The following FREM3 variants were observed in gnomAD, a reference collection of about 807,000 sequenced individuals.
The protein encoded by FREM3 is FRAS1 related extracellular matrix 3, also known as FRAS1-related extracellular matrix protein 3.
A neutral mutation model predicts 129.1 loss-of-function variants in FREM3; 105 were observed. That is an observed-to-expected ratio of 0.81 (90% CI 0.69 to 0.96). The LOEUF (loss-of-function observed/expected upper bound fraction) is 0.96. FREM3 is among the 40% of genes least tolerant of loss of function. The pLI is 0.00. For synonymous variants in FREM3, 1,014 were observed against 1,044.9 expected (o/e 0.97, Z 0.57); for missense variants, 2,593 against 2,666.3 (o/e 0.97, Z 0.61).
chr4:143,627,589 C>T (rs1739063196), intron 3 of FREM3, 25 bp downstream of exon 3: 1 of 1,525,690 alleles, frequency 6.6e-7, no homozygotes, highest in Non-Finnish European at 8.8e-7. Context: ...GACCTTTTAC[C>T]AACAACCAAT....
intron 6 of FREM3, among the ~76,000 whole-genome samples, chr4:143,587,111 C>T (rs1475937487): frequency 6.6e-6 from 1 of 152,128 alleles, no homozygotes; most frequent in East Asian, 1.9e-4. Context: ...ACTGCAAGAC[C>T]TCTCCTGTCC....
intron 4 of FREM3, among the ~76,000 whole-genome samples, chr4:143,621,456 T>G (rs1738950409): frequency 6.6e-6 from 1 of 152,200 alleles, no homozygotes; most frequent in Non-Finnish European, 1.5e-5. Flanking sequence ...GAGATCAAAT[T>G]TTAAGTCTTC....
chr4:143,616,725 G>A (rs981685731), intron 5 of FREM3, among the ~76,000 whole-genome samples: 8 of 151,526 alleles, frequency 5.3e-5, no homozygotes, highest in Admixed American at 2.0e-4. Context: ...CCCGGGAGGC[G>A]GAGCTTGCAG....
At position 143,593,309 on chromosome 4, in the gene FREM3, C is replaced by A. The variant is rs372435752; in HGVS notation, c.6029-7316G>T. 2.0e-5 allele frequency among the ~76,000 whole-genome samples: 3 copies of A among 152,306 alleles called. No homozygotes were observed. The South Asian group carries it at 6.2e-4, about 32-fold the overall frequency. ...GCGTTCCTTTGGAGGAGGAGAGGTGCTCTGATTTTTAGAGTTTCTGGTTTT... is the reference window on the plus strand; with the variant it reads ...GCGTTCCTTTGGAGGAGGAGAGGTGATCTGATTTTTAGAGTTTCTGGTTTT... On this transcript the variant is annotated intron_variant, in intron 6 of 7. Transcript: ENST00000329798.
intron 2 of FREM3, among the ~76,000 whole-genome samples, chr4:143,661,048 C>G (rs1190526045): frequency 1.3e-5 from 2 of 152,170 alleles, no homozygotes; most frequent in Non-Finnish European, 2.9e-5. Context: ...AATTTGACTT[C>G]CTCTTTTCCT....
intron 2 of FREM3, among the ~76,000 whole-genome samples, chr4:143,666,644 T>C (rs1016865711): frequency 1.3e-5 from 2 of 152,156 alleles, no homozygotes; most frequent in African/African-American, 4.8e-5. Context: ...AAAAATATTG[T>C]ATGATTCCAC....
At chr4:143,677,459 A>G (rs1198487309) in intron 2 of FREM3, among the ~76,000 whole-genome samples, 2 of 152,220 alleles carry the variant, frequency 1.3e-5, no homozygotes, top group Non-Finnish European at 2.9e-5. Flanking sequence ...AACCTAGGCA[A>G]TACCATTCAG....
At chr4:143,626,546 C>T (rs1221647924) in intron 3 of FREM3, among the ~76,000 whole-genome samples, 2 of 152,030 alleles carry the variant, frequency 1.3e-5, no homozygotes, top group Admixed American at 6.6e-5. Flanking sequence ...ACAAGAAAGC[C>T]TTGAGATAAA....
intron 5 of FREM3, among the ~76,000 whole-genome samples, chr4:143,615,362 G>A (rs957160282): frequency 6.6e-6 from 1 of 152,124 alleles, no homozygotes; most frequent in South Asian, 2.1e-4. Context: ...ATTTTAGTAG[G>A]ACAGCAAGAC....
chr4:143,693,177 G>T lies in FREM3; in HGVS notation c.5211C>A (p.Ser1737=). 6.6e-7 allele frequency: 1 copy of T among 1,512,506 alleles called. No homozygotes were observed. 93.7% of individuals were successfully genotyped at this position (1,512,506 alleles called of 1,614,324 possible). The part of the protein sequence containing the change: ...TQADIDEMKI[S]YVLNEGSNAS... ...CGTTGCTGCCCTCATTCAAGACATA[G>T]GATATCTTCATCTCATCAATGTCAG... The change falls in exon 2 of 8, where the codon TCC becomes TCA. Residue 1737 remains serine, a synonymous_variant. Transcript: ENST00000329798.
chr4:143,695,106 A>C (rs539626680), intron 1 of FREM3, among the ~76,000 whole-genome samples: 1 of 152,328 alleles, frequency 6.6e-6, no homozygotes, highest in African/African-American at 2.4e-5. Flanking sequence ...ATCTTCAAAA[A>C]CCTGGACTTA....
intron 2 of FREM3, among the ~76,000 whole-genome samples, chr4:143,656,173 G>T (rs1739597551): frequency 6.6e-6 from 1 of 152,064 alleles, no homozygotes; most frequent in Non-Finnish European, 1.5e-5. Context: ...GTTTTCAAAA[G>T]AAATCCATTG....
chr4:143,685,384 T>A (rs184144062), intron 2 of FREM3, among the ~76,000 whole-genome samples: 65 of 152,288 alleles, frequency 4.3e-4, no homozygotes, highest in African/African-American at 1.4e-3. Context: ...AAGAATTTTG[T>A]ATCCAGCAAA....
At chr4:143,632,921 C>G (rs1348940114) in intron 2 of FREM3, among the ~76,000 whole-genome samples, 3 of 152,200 alleles carry the variant, frequency 2.0e-5, no homozygotes, top group African/African-American at 7.2e-5. Context: ...ATGGGTTGGA[C>G]AAGCTTGACC....
In FREM3 at chr4:143,695,822, A is replaced by G. The variant is rs1321345526; in HGVS notation, c.4854T>C (p.Asp1618=). Residue 1618 remains aspartate, a synonymous_variant, in exon 1 of 8, where the codon GAT becomes GAC. Coordinates refer to ENST00000329798, the MANE Select transcript of FREM3 (RefSeq NM_001168235.2). Reference sequence around the variant, plus strand: ...CGTCTGTCACAGTCAAGGAGAAACTATCTTCAGTGGTCTCACTGCCGTCAT... The same window carrying G: ...CGTCTGTCACAGTCAAGGAGAAACTGTCTTCAGTGGTCTCACTGCCGTCAT... ...YKHDGSETTE[D]SFSLTVTDGT... 1 of 1,537,216 alleles carries G rather than the reference A, an allele frequency of 6.5e-7. No homozygotes were observed. The highest frequency in any genetic ancestry group is 2.4e-5 in the East Asian group (1 of 40,924).
chr4:143,694,580 A>G (rs1740532223), intron 1 of FREM3, among the ~76,000 whole-genome samples: 1 of 152,202 alleles, frequency 6.6e-6, no homozygotes, highest in Non-Finnish European at 1.5e-5. Flanking sequence ...TATTGTTTAA[A>G]GTTTATATAA....
At position 143,700,205 on chromosome 4, in the gene FREM3, C is replaced by G. The variant is rs1321321365; in HGVS notation, c.471G>C (p.Thr157=). 93 of 1,536,866 alleles carry G rather than the reference C, an allele frequency of 6.1e-5. No individual in the cohort carries two copies. The highest frequency in any genetic ancestry group is 7.8e-5 in the Non-Finnish European group (90 of 1,146,910). The change falls in exon 1 of 8, where the codon ACG becomes ACC. Residue 157 remains threonine, a synonymous_variant. Coordinates refer to ENST00000329798, the MANE Select transcript of FREM3 (RefSeq NM_001168235.2). The stretch of plus-strand genomic sequence containing the variant: ...GGGAGAAGACCAAGTCCACCGCCAG[C>G]GTGAAGGGCAGCACCAGAGTGTGAG... The part of the protein sequence containing the change: ...APTHTLVLPF[T]LAVDLVFSQL...
chr4:143,673,806 G>A (rs921693422), intron 2 of FREM3, among the ~76,000 whole-genome samples: 5 of 152,168 alleles, frequency 3.3e-5, no homozygotes, highest in African/African-American at 4.8e-5. Context: ...TGCCCCTCCC[G>A]CAGCCTCGCT....
At chr4:143,588,097 C>T (rs1442780267) in intron 6 of FREM3, among the ~76,000 whole-genome samples, 1 of 152,202 alleles carries the variant, frequency 6.6e-6, no homozygotes, top group Non-Finnish European at 1.5e-5. Flanking sequence ...CAGGCAGAGC[C>T]AGATCCCAGT....
Sources: allele counts gnomAD v4.1 joint callset (sites outside exome capture counted in the v4.1 genomes callset), GRCh38; gene constraint gnomAD v4.1.1; transcripts MANE v1.5; gene names NCBI Gene and HGNC (gene_info 2026-07-23, HGNC 2026-07-21).